Variants in SIPA1L1 observed in about 807,000 individuals in gnomAD.
The protein encoded by SIPA1L1 is signal induced proliferation associated 1 like 1.
A neutral mutation model predicts 162.7 loss-of-function variants in SIPA1L1; 26 were observed. The observed-to-expected ratio is 0.16, with a 90% CI of 0.12 to 0.22. The LOEUF is 0.22. Ranked by LOEUF, SIPA1L1 falls within the 10% of genes least tolerant of loss-of-function variation. The pLI is 1.00. For synonymous variants in SIPA1L1, 829 were observed against 837.4 expected, an observed-to-expected ratio of 0.99 and a Z score of 0.17; for missense variants, 1,874 against 2,241.0, an observed-to-expected ratio of 0.84 and a Z score of 3.31.
chr14:71,716,706 C>T (rs551831979), intron 17 of SIPA1L1, among the ~76,000 whole-genome samples: 155 of 152,322 alleles, frequency 1.0e-3, no homozygotes, highest in Non-Finnish European at 1.6e-3. Flanking sequence ...TGTAGGTCCT[C>T]CTTAAAGCAG....
intron 2 of SIPA1L1, among the ~76,000 whole-genome samples, chr14:71,479,344 T>TGTAG (rs2048149542): frequency 6.6e-6 from 1 of 150,846 alleles, no homozygotes; most frequent in Non-Finnish European, 1.5e-5. Flanking sequence ...TAGGTATGTA[T>TGTAG]GTATGTATGT....
chr14:71,651,904 G>A (rs2042650812), intron 8 of SIPA1L1, among the ~76,000 whole-genome samples: 1 of 152,166 alleles, frequency 6.6e-6, no homozygotes, highest in South Asian at 2.1e-4. Flanking sequence ...AAGGCTAGAG[G>A]GGGATGAGCC....
At position 71,702,366 on chromosome 14, in the gene SIPA1L1, C is replaced by T. The variant is rs571044711; in HGVS notation, c.3522-15C>T. 2.9e-5 allele frequency: 47 copies of T among 1,613,476 alleles called. No homozygotes were observed. The highest frequency in any genetic ancestry group is 1.7e-4 in the Middle Eastern group (1 of 6,000). On this transcript the variant is annotated splice_polypyrimidine_tract_variant and intron_variant, in intron 14 of 23. Coordinates refer to ENST00000381232, the MANE Select transcript of SIPA1L1 (RefSeq NM_001386936.1). ...GTCCCTGATGTTGTCTTTGCCTTTGCGGAAATCACCACAGGTTTGGAGTGA... is the reference window on the plus strand; with the variant it reads ...GTCCCTGATGTTGTCTTTGCCTTTGTGGAAATCACCACAGGTTTGGAGTGA...
At chr14:71,702,887 A>G (rs1028127845) in intron 15 of SIPA1L1, among the ~76,000 whole-genome samples, 1 of 152,218 alleles carries the variant, frequency 6.6e-6, no homozygotes, top group Non-Finnish European at 1.5e-5. Context: ...TGGAAAAGAG[A>G]TACAATTATT....
At chr14:71,436,900 G>A (rs1001187842) in intron 2 of SIPA1L1, among the ~76,000 whole-genome samples, 4 of 151,686 alleles carry the variant, frequency 2.6e-5, no homozygotes, top group Non-Finnish European at 5.9e-5. Flanking sequence ...GAGTAGCTGG[G>A]ACTACAGGTG....
chr14:71,569,472 GT>G (rs2031496841), intron 4 of SIPA1L1, among the ~76,000 whole-genome samples: 1 of 152,182 alleles, frequency 6.6e-6, no homozygotes, highest in Non-Finnish European at 1.5e-5. Flanking sequence ...GCTGAGATTT[GT>G]TCCCAGGATG....
intron 10 of SIPA1L1, 118 bp from the exon 11 acceptor site, chr14:71,671,001 A>G: frequency 1.3e-6 from 1 of 795,526 alleles, no homozygotes; most frequent in Non-Finnish European, 2.0e-6. Context: ...TTCTCATGGA[A>G]AAATAAGCAG....
At chr14:71,579,331 A>G (rs1184992448) in intron 4 of SIPA1L1, among the ~76,000 whole-genome samples, 2 of 151,888 alleles carry the variant, frequency 1.3e-5, no homozygotes, top group Non-Finnish European at 2.9e-5. Flanking sequence ...GTTTTTTCAA[A>G]TTGTCACAGT....
chr14:71,419,468 AG>A (rs2043022312), intron 2 of SIPA1L1, among the ~76,000 whole-genome samples: 1 of 145,936 alleles, frequency 6.9e-6, no homozygotes, highest in Admixed American at 6.8e-5. Flanking sequence ...GAAAGGCTCA[AG>A]GAGGATCTCT....
At chr14:71,360,431 C>T (rs1477786256) in intron 2 of SIPA1L1, among the ~76,000 whole-genome samples, 1 of 152,192 alleles carries the variant, frequency 6.6e-6, no homozygotes, top group Non-Finnish European at 1.5e-5. Flanking sequence ...ATCTATCACA[C>T]AGCTAGTTAA....
chr14:71,705,015 A>G, intron 15 of SIPA1L1: 1 of 610,598 alleles, frequency 1.6e-6, no homozygotes, highest in East Asian at 2.7e-5. Flanking sequence ...TGACGTGACA[A>G]GTTGTCACCA....
chr14:71,327,716 G>A (rs371830835), intron 2 of SIPA1L1, among the ~76,000 whole-genome samples: 1 of 152,160 alleles, frequency 6.6e-6, no homozygotes, highest in East Asian at 1.9e-4. Flanking sequence ...AGAAACACAT[G>A]TTCTTGAAAT....
At position 71,650,484 on chromosome 14, in the gene SIPA1L1, G is replaced by A. The variant is rs752398656; in HGVS notation, c.1968G>A (p.Lys656=). ...GAGTTCGGCTCAAAGGATTTGAGAA[G>A]TATCGAGCACAGCTTGATACCAAAA... ...GERVRLKGFE[K]YRAQLDTKTD... Residue 656 remains lysine, a synonymous_variant, in exon 8 of 24, where the codon AAG becomes AAA. Transcript: ENST00000381232. 1.2e-6 allele frequency: 2 copies of A among 1,614,150 alleles called. No homozygotes were observed. The highest frequency in any genetic ancestry group is 2.2e-5 in the South Asian group (2 of 91,084).
At chr14:71,649,126 C>T (rs1206617434) in intron 7 of SIPA1L1, among the ~76,000 whole-genome samples, 2 of 151,892 alleles carry the variant, frequency 1.3e-5, no homozygotes, top group African/African-American at 2.4e-5. Context: ...GTTGTAATGA[C>T]ACTCTGGAAA....
chr14:71,546,132 C>T (rs1282670599), intron 4 of SIPA1L1, among the ~76,000 whole-genome samples: 1 of 152,096 alleles, frequency 6.6e-6, no homozygotes, highest in Non-Finnish European at 1.5e-5. Flanking sequence ...GTTTTTTACA[C>T]TGTGGCTTCT....
chr14:71,539,198 C>T (rs1029077843), intron 4 of SIPA1L1, among the ~76,000 whole-genome samples: 2 of 152,082 alleles, frequency 1.3e-5, no homozygotes, highest in Non-Finnish European at 2.9e-5. Context: ...CTCCTTGGCC[C>T]GTTTTCCAAA....
Position 71,723,820 on chromosome 14 carries a change from A to C in SIPA1L1, c.4382A>C (p.Lys1461Thr). Residue 1461 changes from lysine to threonine, a missense_variant, in exon 18 of 24, where the codon AAG (lysine) becomes ACG (threonine). Transcript: ENST00000381232. ...TACCCTCGCCAGGGCGCTACTAGCAAGTACCTGATTGGATGGAAAAAACCC... is the reference window on the plus strand; with the variant it reads ...TACCCTCGCCAGGGCGCTACTAGCACGTACCTGATTGGATGGAAAAAACCC... ...SFYPRQGATS[K>T]YLIGWKKPEG... 6.2e-7 allele frequency: 1 copy of C among 1,614,192 alleles called. No homozygotes were observed. Among genetic ancestry groups the C allele is most frequent in the South Asian group, 1.1e-5 (1 of 91,084 alleles).
chr14:71,490,195 T>C (rs1170137874), intron 2 of SIPA1L1, among the ~76,000 whole-genome samples: 1 of 152,238 alleles, frequency 6.6e-6, no homozygotes, highest in Non-Finnish European at 1.5e-5. Context: ...TATTTTGATT[T>C]CATTAAAAAA....
chr14:71,497,888 G>C (rs1023579887), intron 2 of SIPA1L1: 15 of 152,182 alleles, frequency 9.9e-5, no homozygotes, highest in African/African-American at 3.4e-4. Flanking sequence ...CTGAGTCATA[G>C]GGTAAGTGCT....
Sources: gnomAD v4.1 joint callset for allele counts (sites outside exome capture counted in the v4.1 genomes callset) on GRCh38, gnomAD v4.1.1 for gene constraint, MANE v1.5 for transcripts, NCBI Gene and HGNC (gene_info 2026-07-23, HGNC 2026-07-21) for gene names.